LRP1B: variants seen among roughly 807,000 people sequenced by gnomAD.
LRP1B encodes LDL receptor related protein 1B, also known as low-density lipoprotein receptor-related protein 1B.
In LRP1B, 217 loss-of-function variants were observed where a neutral mutation model predicts 556.6. The ratio of observed to expected loss-of-function variants is 0.39; its 90% CI spans 0.35 to 0.44. LRP1B has a LOEUF of 0.44. Ranked by LOEUF, LRP1B falls within the 20% of genes least tolerant of loss-of-function variation. The pLI is 1.00. For synonymous variants in LRP1B, 2,047 were observed against 1,865.8 expected (o/e 1.10, Z -2.50); for missense variants, 5,053 against 5,620.8 (o/e 0.90, Z 3.23).
chr2:140,957,699 T>C (rs755125364), intron 18 of LRP1B, among the ~76,000 whole-genome samples: 41 of 151,642 alleles, frequency 2.7e-4, no homozygotes, highest in Non-Finnish European at 4.7e-4. Flanking sequence ...TGCATGCATG[T>C]GTAGTTTTGC....
intron 35 of LRP1B, among the ~76,000 whole-genome samples, chr2:140,760,007 A>C (rs1419425124): frequency 7.1e-6 from 1 of 139,910 alleles, no homozygotes; most frequent in Non-Finnish European, 1.5e-5. Flanking sequence ...TTTTCCAGAC[A>C]CTAGATAAAA....
In LRP1B at chr2:140,849,946, T is replaced by C. The variant is rs143089050; in HGVS notation, c.4939+156A>G. 3.2e-4 allele frequency among the ~76,000 whole-genome samples: 49 copies of C among 152,290 alleles called. No homozygotes were observed. The East Asian group carries it at 9.1e-3, about 28-fold the overall frequency. On this transcript the variant is annotated intron_variant, in intron 29 of 90. Coordinates refer to ENST00000389484, the MANE Select transcript of LRP1B (RefSeq NM_018557.3). ...GCAATTTAATTATACCATTCTACAATAGTAAGGATGTAGCATATTATTAAA... is the reference window on the plus strand; with the variant it reads ...GCAATTTAATTATACCATTCTACAACAGTAAGGATGTAGCATATTATTAAA...
At chr2:140,375,139 T>C (rs1294203594) in intron 68 of LRP1B, among the ~76,000 whole-genome samples, 2 of 151,670 alleles carry the variant, frequency 1.3e-5, no homozygotes, top group Admixed American at 1.3e-4. Context: ...TTTTAAAGTA[T>C]TGTTGTGAAC....
At chr2:141,083,111 T>G (rs1347929852) in intron 7 of LRP1B, among the ~76,000 whole-genome samples, 2 of 152,222 alleles carry the variant, frequency 1.3e-5, no homozygotes, top group African/African-American at 4.8e-5. Flanking sequence ...GGAAGAATAT[T>G]CTTATAAAAA....
chr2:140,574,944 C>T (rs1681463019), intron 43 of LRP1B, among the ~76,000 whole-genome samples: 1 of 152,146 alleles, frequency 6.6e-6, no homozygotes, highest in Admixed American at 6.5e-5. Flanking sequence ...TGCTAGCTTG[C>T]CCTTGCACAT....
chr2:141,469,913 C>A (rs1189540425), intron 3 of LRP1B, among the ~76,000 whole-genome samples: 1 of 152,032 alleles, frequency 6.6e-6, no homozygotes, highest in Non-Finnish European at 1.5e-5. Context: ...GAAAAAGAGA[C>A]CACGTTTATA....
At chr2:141,362,169 T>G (rs994321512) in intron 3 of LRP1B, among the ~76,000 whole-genome samples, 1 of 152,240 alleles carries the variant, frequency 6.6e-6, no homozygotes, top group Admixed American at 6.5e-5. Context: ...TTCTTGAGCA[T>G]TTTACAGACA....
chr2:141,908,940 T>A (rs1699831687), intron 1 of LRP1B, among the ~76,000 whole-genome samples: 1 of 151,926 alleles, frequency 6.6e-6, no homozygotes, highest in Non-Finnish European at 1.5e-5. Context: ...ATCAGGGAGG[T>A]TAAACAAAAT....
chr2:140,421,998 G>T (rs1177880708), intron 66 of LRP1B, among the ~76,000 whole-genome samples: 1 of 152,146 alleles, frequency 6.6e-6, no homozygotes, highest in Non-Finnish European at 1.5e-5. Flanking sequence ...CTTCTTACAG[G>T]TCAAGCCAAT....
At chr2:141,279,509 G>T (rs951990004) in intron 3 of LRP1B, among the ~76,000 whole-genome samples, 1 of 152,048 alleles carries the variant, frequency 6.6e-6, no homozygotes, top group Non-Finnish European at 1.5e-5. Context: ...TGCTTGGCAT[G>T]TCACAAATTA....
At chr2:140,829,600 A>G (rs1171638509) in intron 31 of LRP1B, among the ~76,000 whole-genome samples, 1 of 146,606 alleles carries the variant, frequency 6.8e-6, no homozygotes, top group Non-Finnish European at 1.5e-5. Flanking sequence ...TTAGAAAAAC[A>G]TAACATACCA....
chr2:140,345,877 T>TAA (rs541391350), intron 77 of LRP1B, among the ~76,000 whole-genome samples: 2 of 142,904 alleles, frequency 1.4e-5, no homozygotes, highest in Non-Finnish European at 3.0e-5. Flanking sequence ...TATATATATA[T>TAA]AAAAAAAATA....
intron 72 of LRP1B, among the ~76,000 whole-genome samples, chr2:140,363,106 T>C (rs1475873127): frequency 6.6e-6 from 1 of 151,710 alleles, no homozygotes; most frequent in African/African-American, 2.4e-5. Context: ...GCCTTTTCCA[T>C]ACTTTTAATT....
intron 3 of LRP1B, among the ~76,000 whole-genome samples, chr2:141,313,376 TGAA>T (rs1558998128): frequency 6.6e-6 from 1 of 152,078 alleles, no homozygotes; most frequent in Non-Finnish European, 1.5e-5. Flanking sequence ...AAAAAACACT[TGAA>T]GGAAAAATAA....
intron 2 of LRP1B, among the ~76,000 whole-genome samples, chr2:141,806,283 T>C (rs1696165524): frequency 1.3e-5 from 2 of 152,070 alleles, no homozygotes; most frequent in African/African-American, 4.8e-5. Context: ...TTTATTTTCA[T>C]TCTCATCACA....
At chr2:141,426,992 A>G (rs576760692) in intron 3 of LRP1B, among the ~76,000 whole-genome samples, 1 of 152,272 alleles carries the variant, frequency 6.6e-6, no homozygotes, top group Non-Finnish European at 1.5e-5. Context: ...TGTCATCTAC[A>G]TTAGGTATTT....
chr2:140,444,337 T>C lies in LRP1B; in HGVS notation c.10287A>G (p.Arg3429=), dbSNP rs1243462236. The part of the protein sequence containing the change: ...QDDCGDEEDE[R]DCPENSCSPD... Reference sequence around the variant, plus strand: ...TATTTTGAGGTGACTTACGACAGTCTCTTTCATCTTCCTCATCACCACAGT... The same window carrying C: ...TATTTTGAGGTGACTTACGACAGTCCCTTTCATCTTCCTCATCACCACAGT... Residue 3429 remains arginine (R), a synonymous_variant, in exon 65 of 91, where the codon AGA becomes AGG. Transcript: ENST00000389484. 1 of 1,613,924 alleles carries C rather than the reference T, an allele frequency of 6.2e-7. No homozygotes were observed. Among genetic ancestry groups the C allele is most frequent in the Non-Finnish European group, 8.5e-7 (1 of 1,179,876 alleles).
chr2:141,134,416 G>A (rs539949149), intron 7 of LRP1B, among the ~76,000 whole-genome samples: 28 of 151,772 alleles, frequency 1.8e-4, no homozygotes, highest in South Asian at 4.2e-4. Flanking sequence ...TTGAGCCTAC[G>A]TGTTGTTAAC....
chr2:142,102,873 G>A (rs1192363802), intron 1 of LRP1B, among the ~76,000 whole-genome samples: 2 of 151,732 alleles, frequency 1.3e-5, no homozygotes, highest in Non-Finnish European at 2.9e-5. Flanking sequence ...AATTAATGTG[G>A]ACAAAAATAA....
Sources: allele counts gnomAD v4.1 joint callset (sites outside exome capture counted in the v4.1 genomes callset), GRCh38; gene constraint gnomAD v4.1.1; transcripts MANE v1.5; gene names NCBI Gene and HGNC (gene_info 2026-07-23, HGNC 2026-07-21).